Variants in AK9 observed in about 807,000 individuals in gnomAD.
AK9 encodes adenylate kinase 9, also known as adenylate kinase domain containing 1.
AK9 carries 191 observed loss-of-function variants against 239.6 expected under a neutral mutation model. The observed-to-expected ratio is 0.80, with a 90% confidence interval of 0.71 to 0.90. The LOEUF (loss-of-function observed/expected upper bound fraction) is 0.90, where lower values mean the gene tolerates loss of function less well. Ranked by LOEUF, AK9 falls within the 40% of genes least tolerant of loss-of-function variation. AK9 has a pLI of 0.00. For missense variants in AK9, 1,995 were observed against 2,214.7 expected, an observed-to-expected ratio of 0.90 and a Z score of 1.99; for synonymous variants, 689 against 721.0, an observed-to-expected ratio of 0.96 and a Z score of 0.71.
chr6:109,516,126 T>C, intron 30 of AK9, 51 bp from the exon 31 acceptor site: 1 of 1,427,500 alleles, frequency 7.0e-7, no homozygotes, highest in Non-Finnish European at 9.6e-7. Flanking sequence ...AAAAGGCTGG[T>C]AGTATTTAGT....
chr6:109,684,839 A>T, intron 1 of AK9, among the ~76,000 whole-genome samples: 1 of 118,204 alleles, frequency 8.5e-6, no homozygotes, highest in East Asian at 2.9e-4. Context: ...CCGCCACTGC[A>T]CTCCAGCCTG....
intron 24 of AK9, among the ~76,000 whole-genome samples, chr6:109,555,792 G>A (rs1784946255): frequency 6.6e-6 from 1 of 152,098 alleles, no homozygotes; most frequent in Admixed American, 6.5e-5. Context: ...GATCTTTAAT[G>A]GTTTCAAGTC....
chr6:109,601,537 G>C (rs1791963709), intron 17 of AK9, among the ~76,000 whole-genome samples: 2 of 152,318 alleles, frequency 1.3e-5, no homozygotes, highest in Admixed American at 1.3e-4. Context: ...GTGTAGTGCT[G>C]AGAAGATTGT....
At chr6:109,679,062 G>T (rs557620173) in intron 1 of AK9, among the ~76,000 whole-genome samples, 1 of 152,138 alleles carries the variant, frequency 6.6e-6, no homozygotes, top group Non-Finnish European at 1.5e-5. Flanking sequence ...AGCTGCAGGA[G>T]TTTTTTTCAT....
chr6:109,600,256 A>G (rs1480374599), intron 17 of AK9, among the ~76,000 whole-genome samples: 1 of 152,316 alleles, frequency 6.6e-6, no homozygotes, highest in Admixed American at 6.5e-5. Flanking sequence ...CGTCCCATCA[A>G]TACCTAATTT....
At chr6:109,518,337 A>G (rs1386269973) in intron 29 of AK9, among the ~76,000 whole-genome samples, 1 of 152,006 alleles carries the variant, frequency 6.6e-6, no homozygotes, top group Non-Finnish European at 1.5e-5. Flanking sequence ...TTTTTATTAT[A>G]TCTTGTCAAT....
chr6:109,670,243 G>A (rs1022619054), intron 5 of AK9, among the ~76,000 whole-genome samples: 2 of 152,114 alleles, frequency 1.3e-5, no homozygotes, highest in Non-Finnish European at 2.9e-5. Context: ...GGTAATTAAT[G>A]AAATCTAGTA....
chr6:109,547,362 T>C (rs1277898086), intron 25 of AK9, among the ~76,000 whole-genome samples: 1 of 152,224 alleles, frequency 6.6e-6, no homozygotes, highest in African/African-American at 2.4e-5. Context: ...AGCTATAGCA[T>C]AGCACAGTAG....
rs116320452 is a variant in AK9 at position 109,670,231 on chromosome 6, G to C, written c.331+1688C>G. Reference sequence around the variant, plus strand: ...AAAAAATCAACTAAAAAATATCTATGAGGTAATTAATGAAATCTAGTAGAT... The same window carrying C: ...AAAAAATCAACTAAAAAATATCTATCAGGTAATTAATGAAATCTAGTAGAT... On this transcript the variant is annotated intron_variant, in intron 5 of 40. Transcript: ENST00000424296. 7.2e-3 allele frequency among the ~76,000 whole-genome samples: 1,093 copies of C among 152,270 alleles called. 9 individuals carry two copies. The highest frequency in any genetic ancestry group is 0.025 in the African/African-American group (1,030 of 41,550).
intron 27 of AK9, among the ~76,000 whole-genome samples, chr6:109,538,220 T>C (rs1482093750): frequency 3.9e-5 from 6 of 152,182 alleles, no homozygotes; most frequent in Non-Finnish European, 8.8e-5. Context: ...AAGTCTCCCA[T>C]TATTACTGTG....
chr6:109,584,923 G>GA (rs1414811873), intron 19 of AK9, among the ~76,000 whole-genome samples, 200 bp downstream of exon 19: 1 of 151,980 alleles, frequency 6.6e-6, no homozygotes, highest in Non-Finnish European at 1.5e-5. Flanking sequence ...TATGGGCTGG[G>GA]AAAAAATCAC....
At chr6:109,599,234 C>G (rs1000614968) in intron 17 of AK9, among the ~76,000 whole-genome samples, 1 of 152,074 alleles carries the variant, frequency 6.6e-6, no homozygotes, top group Non-Finnish European at 1.5e-5. Flanking sequence ...TTTAATCCAT[C>G]TTGAATTAAT....
intron 5 of AK9, among the ~76,000 whole-genome samples, chr6:109,664,964 C>A (rs960567006): frequency 6.6e-6 from 1 of 152,068 alleles, no homozygotes; most frequent in Non-Finnish European, 1.5e-5. Flanking sequence ...CGCTTGAACC[C>A]TGGAGGCAGA....
chr6:109,664,652 C>A (rs1336700835), intron 5 of AK9, among the ~76,000 whole-genome samples: 6 of 151,702 alleles, frequency 4.0e-5, no homozygotes, highest in African/African-American at 1.5e-4. Flanking sequence ...CTCGATCTCC[C>A]GATCTCGTGA....
At chr6:109,593,919 G>T (rs1157400785) in intron 17 of AK9, among the ~76,000 whole-genome samples, 1 of 152,106 alleles carries the variant, frequency 6.6e-6, no homozygotes, top group Non-Finnish European at 1.5e-5. Context: ...TACCAAATGG[G>T]CAAAAGCTGG....
chr6:109,667,319 CTT>C (rs1180901270), intron 5 of AK9, among the ~76,000 whole-genome samples: 13 of 150,268 alleles, frequency 8.7e-5, no homozygotes, highest in Non-Finnish European at 1.5e-4. Flanking sequence ...TTTTAATTCT[CTT>C]TGTTATTTTA....
chr6:109,602,705 A>G (rs1341763240), intron 17 of AK9, among the ~76,000 whole-genome samples: 1 of 152,332 alleles, frequency 6.6e-6, no homozygotes, highest in African/African-American at 2.4e-5. Flanking sequence ...ACTTTCAGGT[A>G]CACCAATCAG....
At chr6:109,505,252 CA>C in intron 35 of AK9, among the ~76,000 whole-genome samples, 1 of 152,192 alleles carries the variant, frequency 6.6e-6, no homozygotes, top group Non-Finnish European at 1.5e-5. Flanking sequence ...CTCTCTTAGT[CA>C]CATTGCTCCC....
chr6:109,673,581 G>GAAAATTTAT (rs1037523192), intron 3 of AK9, among the ~76,000 whole-genome samples: 11 of 151,796 alleles, frequency 7.2e-5, no homozygotes, highest in African/African-American at 2.7e-4. Context: ...AAGAATGCAA[G>GAAAATTTAT]AAAATTTATA....
Sources: gnomAD v4.1 joint callset for allele counts (sites outside exome capture counted in the v4.1 genomes callset) on GRCh38, gnomAD v4.1.1 for gene constraint, MANE v1.5 for transcripts, NCBI Gene and HGNC (gene_info 2026-07-23, HGNC 2026-07-21) for gene names.